The following NEDD1 variants were observed in gnomAD, a reference collection of about 807,000 sequenced individuals.
The protein encoded by NEDD1 is protein NEDD1.
A neutral mutation model predicts 74.0 loss-of-function variants in NEDD1; 33 were observed. The observed-to-expected ratio is 0.45, with a 90% CI of 0.34 to 0.60. The LOEUF (loss-of-function observed/expected upper bound fraction) is 0.60, where lower values mean the gene tolerates loss of function less well. NEDD1 is among the 20% of genes least tolerant of loss of function. The pLI is 0.01. For synonymous variants in NEDD1, 250 were observed against 264.4 expected (o/e 0.95, Z 0.53); for missense variants, 746 against 776.5 (o/e 0.96, Z 0.47).
rs144154513 is a variant in NEDD1, at chr12:96,934,977, C to T, written c.491C>T (p.Ser164Phe). 1,562 of 1,571,168 alleles carry T rather than the reference C, an allele frequency of 9.9e-4. 3 individuals carry two copies. The highest frequency in any genetic ancestry group is 1.1e-3 in the Non-Finnish European group (1,235 of 1,141,364). ...STPFGHGSNQ[S>F]VRHLKYSLFK... is the part of the protein sequence containing the mutation. ...AAATTTATTCTTTCATTTTTATAGT[C>T]TGTTCGGCACTTGAAGTACTCCTTG... Residue 164 changes from serine (S) to phenylalanine (F), a missense_variant and splice_region_variant, in exon 7 of 16, where the codon TCT becomes TTT. This residue lies in a region of NEDD1 where 706 missense variants were observed against 706.7 expected (regional missense o/e 1.00). Transcript: ENST00000266742.
At chr12:96,950,458 G>A (rs1282698448) in intron 14 of NEDD1, among the ~76,000 whole-genome samples, 4 of 151,896 alleles carry the variant, frequency 2.6e-5, no homozygotes, top group Non-Finnish European at 5.9e-5. Flanking sequence ...TTATAACAAC[G>A]TTGGAATAGT....
chr12:96,915,227 G>A (rs1874314433), intron 4 of NEDD1, among the ~76,000 whole-genome samples: 1 of 152,218 alleles, frequency 6.6e-6, no homozygotes, highest in South Asian at 2.1e-4. Context: ...GGGGTCCACA[G>A]AAGTGAACAC....
At chr12:96,910,580 A>G (rs1873816730) in intron 3 of NEDD1, among the ~76,000 whole-genome samples, 1 of 152,128 alleles carries the variant, frequency 6.6e-6, no homozygotes, top group African/African-American at 2.4e-5. Context: ...ACCCTGTGCT[A>G]TTGACTTTTT....
chr12:96,944,914 GTTTGTGGACACT>G (rs1471995320), intron 13 of NEDD1, 119 bp downstream of exon 13: 12 of 709,436 alleles, frequency 1.7e-5, no homozygotes, highest in Non-Finnish European at 2.5e-5. Flanking sequence ...AGAGTTTAAA[GTTTGTGGACACT>G]TCTGTTGTGT....
chr12:96,945,801 A>G lies in NEDD1; in HGVS notation c.1763A>G (p.Gln588Arg). 6.2e-7 allele frequency: 1 copy of G among 1,612,626 alleles called. No homozygotes were observed. Among genetic ancestry groups the G allele is most frequent in the Non-Finnish European group, 8.5e-7 (1 of 1,178,708 alleles). Residue 588 changes from glutamine to arginine, a missense_variant, in exon 14 of 16, where the codon CAA becomes CGA. Around this residue, in one of 3 missense-constraint regions of NEDD1, gnomAD observed 706 missense variants for 706.7 expected, o/e 1.00. Coordinates refer to ENST00000266742, the MANE Select transcript of NEDD1 (RefSeq NM_152905.4). Reference sequence around the variant, plus strand: ...CAAAATGCACCATTGACTTCCATTCAAATTCGTTTTATTCAGAACATGATA... The same window carrying G: ...CAAAATGCACCATTGACTTCCATTCGAATTCGTTTTATTCAGAACATGATA... ...NRQNAPLTSIQIRFIQNMIQE... is the reference protein window; with the variant it reads ...NRQNAPLTSIRIRFIQNMIQE...
chr12:96,933,890 T>G (rs1435978942), intron 6 of NEDD1, among the ~76,000 whole-genome samples: 1 of 152,100 alleles, frequency 6.6e-6, no homozygotes, highest in African/African-American at 2.4e-5. Context: ...TAAAATTCAG[T>G]TAGTTTTAGT....
chr12:96,952,100 C>A lies in NEDD1; in HGVS notation c.*47C>A. On this transcript the variant is annotated 3_prime_UTR_variant, in exon 16 of 16. Transcript: ENST00000266742. ...GTTCTGTAATTTGGGAAGTTTCTGG[C>A]AACACAGAACTACATAGAATCAGTA... is the stretch of plus-strand genomic sequence containing the variant. 3.1e-6 allele frequency: 3 copies of A among 967,824 alleles called. No individual in the cohort carries two copies. The highest frequency in any genetic ancestry group is 5.0e-6 in the Non-Finnish European group (3 of 600,686). The allele number at this position is 967,824 out of a possible 1,614,324, so 60.0% of individuals were successfully genotyped here.
At chr12:96,935,770 T>G (rs1312037159) in intron 7 of NEDD1, among the ~76,000 whole-genome samples, 2 of 152,120 alleles carry the variant, frequency 1.3e-5, no homozygotes, top group Non-Finnish European at 2.9e-5. Flanking sequence ...CCTCTAAGCA[T>G]TTGGGCCCAC....
intron 13 of NEDD1, 52 bp from the exon 14 acceptor site, chr12:96,945,641 A>C: frequency 9.0e-7 from 1 of 1,107,340 alleles, no homozygotes; most frequent in East Asian, 2.4e-5. Context: ...GAAATGTTTG[A>C]TGTCTCTCAG....
rs116465712 is a variant in NEDD1 at position 96,918,805 on chromosome 12, T to C, written c.348+1068T>C. Among the ~76,000 whole-genome samples, 875 of 152,322 alleles carry C rather than the reference T, an allele frequency of 5.7e-3. 11 individuals carry two copies. Among genetic ancestry groups the C allele is most frequent in the African/African-American group, 0.02 (838 of 41,584 alleles). On this transcript the variant is annotated intron_variant, in intron 5 of 15. Transcript: ENST00000266742. ...TCTTTATAAAGTCATAGAAATTACA[T>C]TGGACCCCATGTTCTTAATTTCCCA... is the stretch of plus-strand genomic sequence containing the variant.
intron 3 of NEDD1, among the ~76,000 whole-genome samples, chr12:96,910,960 GACTT>G (rs1873862411): frequency 6.6e-6 from 1 of 152,072 alleles, no homozygotes; most frequent in South Asian, 2.1e-4. Context: ...AGTTTTATAT[GACTT>G]ACTATTCTTG....
At chr12:96,936,406 TTAGC>T (rs1877093738) in intron 7 of NEDD1, among the ~76,000 whole-genome samples, 1 of 152,250 alleles carries the variant, frequency 6.6e-6, no homozygotes, top group Non-Finnish European at 1.5e-5. Flanking sequence ...GATGGAATGT[TTAGC>T]AGTTCTCTAT....
At chr12:96,935,263 A>C in intron 7 of NEDD1, 58 bp downstream of exon 7, 1 of 1,050,696 alleles carries the variant, frequency 9.5e-7, no homozygotes. Flanking sequence ...TTCCATTAAC[A>C]GGCATATTTG....
In NEDD1 at chr12:96,949,009, C is replaced by T. The variant is rs138991234; in HGVS notation, c.1812-2423C>T. Among the ~76,000 whole-genome samples, 17 of 152,244 alleles carry T rather than the reference C, an allele frequency of 1.1e-4. No homozygotes were observed. The East Asian group carries it at 2.7e-3, about 24-fold the overall frequency. On this transcript the variant is annotated intron_variant, in intron 14 of 15. Transcript: ENST00000266742. ...AGTTTCAGGCTTAGTTTTCTGCAGG[C>T]CTCCTCTCTTCAAGACCTTGGCTCT... is the stretch of plus-strand genomic sequence containing the variant.
chr12:96,942,580 C>A lies in NEDD1; in HGVS notation c.1250C>A (p.Ala417Asp). 6.8e-7 allele frequency: 1 copy of A among 1,463,332 alleles called. No homozygotes were observed. The highest frequency in any genetic ancestry group is 9.6e-7 in the Non-Finnish European group (1 of 1,045,562). The allele number at this position is 1,463,332 out of a possible 1,614,324, so 90.6% of individuals were successfully genotyped here. The change falls in exon 11 of 16, where the codon GCT (alanine) becomes GAT (aspartate). Residue 417 changes from alanine to aspartate, a missense_variant. Around this residue, in one of 3 missense-constraint regions of NEDD1, gnomAD observed 706 missense variants for 706.7 expected, o/e 1.00. Transcript: ENST00000266742. Reference sequence around the variant, plus strand: ...TTGATTTTCTAATTTGTTATAGATGCTGTAGTTAACAAGGGAAGTGATGAG... The same window carrying A: ...TTGATTTTCTAATTTGTTATAGATGATGTAGTTAACAAGGGAAGTGATGAG... ...GDMFSPIRDD[A>D]VVNKGSDESI...
intron 6 of NEDD1, among the ~76,000 whole-genome samples, chr12:96,930,108 G>C (rs1355218965): frequency 1.3e-5 from 2 of 148,160 alleles, no homozygotes; most frequent in African/African-American, 5.0e-5. Flanking sequence ...TGTAAATGTT[G>C]TCCGTGGGAT....
At chr12:96,919,901 TAATG>T in intron 5 of NEDD1, 80 bp from the exon 6 acceptor site, 2 of 805,380 alleles carry the variant, frequency 2.5e-6, no homozygotes, top group Non-Finnish European at 2.0e-6. Flanking sequence ...GATAAATACA[TAATG>T]TATGGTATTT....
At chr12:96,920,698 T>C (rs1874983203) in intron 6 of NEDD1, among the ~76,000 whole-genome samples, 1 of 152,190 alleles carries the variant, frequency 6.6e-6, no homozygotes, top group African/African-American at 2.4e-5. Flanking sequence ...AAATTCAGTT[T>C]TTCAAGGAAC....
intron 13 of NEDD1, among the ~76,000 whole-genome samples, chr12:96,945,421 A>C (rs1279617205): frequency 6.6e-6 from 1 of 152,062 alleles, no homozygotes; most frequent in African/African-American, 2.4e-5. Flanking sequence ...TATAAGAGGA[A>C]ATGGTTCATA....
Sources: gnomAD v4.1 joint callset for allele counts (sites outside exome capture counted in the v4.1 genomes callset) on GRCh38, gnomAD v4.1.1 for gene constraint, gnomAD v4.1.1 regional missense constraint, MANE v1.5 for transcripts, NCBI Gene and HGNC (gene_info 2026-07-23, HGNC 2026-07-21) for gene names.